The following MID1 variants were observed in gnomAD, a reference collection of about 807,000 sequenced individuals.
MID1 encodes the protein midline 1.
Under a neutral mutation model 40.4 loss-of-function variants are expected in MID1, and 7 were observed. The observed-to-expected ratio is 0.17, with a 90% CI of 0.10 to 0.33. The LOEUF (loss-of-function observed/expected upper bound fraction) is 0.33. Among genes scored for constraint, MID1 ranks in the 10% least tolerant of loss-of-function variants. The pLI is 1.00. For missense variants in MID1, 367 were observed against 558.5 expected (o/e 0.66, Z 3.46); for synonymous variants, 229 against 221.2 (o/e 1.04, Z -0.31).
chrX:10,806,873 T>G (rs952742630), intron 1 of MID1, among the ~76,000 whole-genome samples: 1 of 111,564 alleles, frequency 9.0e-6, no homozygotes, highest in Non-Finnish European at 1.9e-5. Flanking sequence ...TTCCTCAAAT[T>G]AAAGGGAAGA....
At chrX:10,681,025 C>CAAT (rs56941761) in intron 1 of MID1, among the ~76,000 whole-genome samples, 8,498 of 82,485 alleles carry the variant, frequency 0.1, 476 homozygotes, top group Admixed American at 0.13. Context: ...GACCCTGTCT[C>CAAT]AATAATAATA....
intron 2 of MID1, among the ~76,000 whole-genome samples, chrX:10,530,632 G>T (rs1303762719): frequency 8.9e-6 from 1 of 112,491 alleles, no homozygotes; most frequent in African/African-American, 3.2e-5. Flanking sequence ...GTAGTTTTTA[G>T]TAAGGCTTAT....
At chrX:10,808,333 C>G (rs2044062561) in intron 1 of MID1, among the ~76,000 whole-genome samples, 1 of 111,420 alleles carries the variant, frequency 9.0e-6, no homozygotes, top group Admixed American at 9.5e-5. Context: ...TCTATGATGT[C>G]CCTTTGTACG....
chrX:10,796,522 C>G (rs2043968983), intron 1 of MID1, among the ~76,000 whole-genome samples: 1 of 107,587 alleles, frequency 9.3e-6, no homozygotes, highest in African/African-American at 3.4e-5. Context: ...ACAGTCACCA[C>G]AGTCCATCAA....
chrX:10,626,497 G>A (rs2147552402), intron 1 of MID1, among the ~76,000 whole-genome samples: 1 of 110,175 alleles, frequency 9.1e-6, no homozygotes, highest in African/African-American at 3.3e-5. Flanking sequence ...ACACCACCAT[G>A]TCTGGTAGGC....
upstream of MID1, among the ~76,000 whole-genome samples, chrX:10,621,970 G>A (rs1040174996): frequency 5.8e-5 from 6 of 102,606 alleles, no homozygotes; most frequent in Admixed American, 1.1e-4. Context: ...CCCCACAATC[G>A]TGATGACCAA....
At chrX:10,679,196 T>C (rs2043042344) in intron 1 of MID1, among the ~76,000 whole-genome samples, 1 of 112,278 alleles carries the variant, frequency 8.9e-6, no homozygotes, top group African/African-American at 3.2e-5. Flanking sequence ...CTCTATGTAC[T>C]AATATAGACA....
At chrX:10,625,972 TGGA>T (rs899297680) in intron 1 of MID1, among the ~76,000 whole-genome samples, 1 of 111,404 alleles carries the variant, frequency 9.0e-6, no homozygotes, top group Non-Finnish European at 1.9e-5. Flanking sequence ...AGCAGGAGGA[TGGA>T]GGAGTCCTGG....
intron 1 of MID1, among the ~76,000 whole-genome samples, chrX:10,595,017 C>T (rs1241288162): frequency 9.0e-6 from 1 of 111,601 alleles, no homozygotes; most frequent in African/African-American, 3.3e-5. Context: ...AAAATACCTA[C>T]AATATGCCAG....
intron 1 of MID1, among the ~76,000 whole-genome samples, chrX:10,636,886 C>CTGTGTGTGTG (rs36101583): frequency 4.8e-4 from 43 of 89,839 alleles, no homozygotes; most frequent in African/African-American, 1.6e-3. Flanking sequence ...TCTTAAAACG[C>CTGTGTGTGTG]TGTGTGTGTG....
At chrX:10,491,561 G>T (rs1256142905) in intron 4 of MID1, among the ~76,000 whole-genome samples, 7 of 110,732 alleles carry the variant, frequency 6.3e-5, no homozygotes, top group Non-Finnish European at 1.3e-4. Flanking sequence ...TTTTTCAAAA[G>T]AATTAAAGCC....
intron 3 of MID1, among the ~76,000 whole-genome samples, chrX:10,502,567 C>A (rs1402389552): frequency 9.0e-6 from 1 of 111,671 alleles, no homozygotes; most frequent in Non-Finnish European, 1.9e-5. Context: ...CCCGGCCCAC[C>A]ATTACTGCAC....
chrX:10,493,137 T>A (rs1931042712), intron 4 of MID1, among the ~76,000 whole-genome samples: 1 of 111,910 alleles, frequency 8.9e-6, no homozygotes, highest in African/African-American at 3.3e-5. Context: ...TTTACAGACA[T>A]GATTAAGGAT....
chrX:10,799,805 C>T (rs1428279866), intron 1 of MID1, among the ~76,000 whole-genome samples: 1 of 111,769 alleles, frequency 8.9e-6, no homozygotes, highest in Non-Finnish European at 1.9e-5. Context: ...TATTTTTATT[C>T]CCATATTTCC....
At chrX:10,759,500 C>T (rs2043660140) in intron 1 of MID1, among the ~76,000 whole-genome samples, 1 of 111,194 alleles carries the variant, frequency 9.0e-6, no homozygotes, top group South Asian at 3.8e-4. Flanking sequence ...TTCCTTCCTT[C>T]CCCTTTGTGA....
At chrX:10,521,773 C>T (rs767329930) in intron 3 of MID1, among the ~76,000 whole-genome samples, 2 of 112,115 alleles carry the variant, frequency 1.8e-5, no homozygotes, top group African/African-American at 3.2e-5. Context: ...AAACTGTGTC[C>T]GCAAAAAGGT....
intron 1 of MID1, among the ~76,000 whole-genome samples, chrX:10,705,788 C>T (rs181736454): frequency 2.7e-5 from 3 of 112,238 alleles, no homozygotes; most frequent in Admixed American, 9.5e-5. Flanking sequence ...ACTCCAAATC[C>T]TGCCTTACCC....
At chrX:10,628,002 A>G (rs1447284731) in intron 1 of MID1, among the ~76,000 whole-genome samples, 2 of 111,944 alleles carry the variant, frequency 1.8e-5, no homozygotes, top group African/African-American at 6.5e-5. Flanking sequence ...TGGATCTAAG[A>G]TGGTAGTAAA....
rs1210089624 is a variant in MID1, at chrX:10,754,316, G to GTT, written c.-187+79236_-187+79237dup. On this transcript the variant is annotated intron_variant, in intron 1 of 10. Transcript: ENST00000380785. The stretch of plus-strand genomic sequence containing the variant: ...ACAAGAGAGTTTTTTTTTGTTTTTT[G>GTT]TTTTTTGTTTTTTTTGTCATCTGTC... Among the ~76,000 whole-genome samples, 93 of 105,414 alleles carry GTT rather than the reference G, an allele frequency of 8.8e-4. 1 individual carries two copies. Among genetic ancestry groups the GTT allele is most frequent in the African/African-American group, 3.4e-3 (87 of 25,799 alleles). The allele number at this position is 105,414 out of a possible 115,157, so 91.5% of individuals were successfully genotyped here. A position where few individuals can be genotyped will look rare whatever the true frequency, so the allele number is the denominator to read the frequency against.
Sources: gnomAD v4.1 joint callset for allele counts (sites outside exome capture counted in the v4.1 genomes callset) on GRCh38, gnomAD v4.1.1 for gene constraint, MANE v1.5 for transcripts, NCBI Gene and HGNC (gene_info 2026-07-23, HGNC 2026-07-21) for gene names.